CSMD1: variants seen among roughly 807,000 people sequenced by gnomAD.
The protein encoded by CSMD1 is CUB and Sushi multiple domains 1.
A neutral mutation model predicts 417.5 loss-of-function variants in CSMD1; 213 were observed. That is an observed-to-expected ratio of 0.51 (90% CI 0.46 to 0.57). The LOEUF (loss-of-function observed/expected upper bound fraction) is 0.57. Ranked by LOEUF, CSMD1 falls within the 20% of genes least tolerant of loss-of-function variation. The pLI is 0.00. For synonymous variants in CSMD1, 2,862 were observed against 1,736.8 expected (o/e 1.65, Z -16.11); for missense variants, 6,923 against 4,529.7 (o/e 1.53, Z -15.17).
At position 4,051,786 on chromosome 8, in the gene CSMD1, G is replaced by A. The variant is rs185423521; in HGVS notation, c.416-19687C>T. ...TGGTAGGGCTCCCAGTGTCCCAGGT[G>A]TGATGGACACCATACAATACTGACA... On this transcript the variant is annotated intron_variant, in intron 3 of 69. Coordinates refer to ENST00000635120, the MANE Select transcript of CSMD1 (RefSeq NM_033225.6). Among the ~76,000 whole-genome samples the A allele has an allele frequency of 5.4e-4, 82 of 152,296 alleles. 1 individual carries two copies. The highest frequency in any genetic ancestry group is 4.7e-3 in the Admixed American group (72 of 15,298).
chr8:4,969,401 T>C (rs1810097960), intron 1 of CSMD1, among the ~76,000 whole-genome samples: 1 of 151,838 alleles, frequency 6.6e-6, no homozygotes. Flanking sequence ...CTTGCCAAGA[T>C]CCAGTAGGGC....
Position 4,555,666 on chromosome 8 carries a change from C to G in CSMD1, c.302+81676G>C, listed in dbSNP as rs1269831499. 2.0e-5 allele frequency among the ~76,000 whole-genome samples: 3 copies of G among 152,162 alleles called. No homozygotes were observed. The East Asian group carries it at 5.8e-4, about 29-fold the overall frequency. On this transcript the variant is annotated intron_variant, in intron 2 of 69. Transcript: ENST00000635120. ...AATGCTGCTTTTGTCAGAATTCAAT[C>G]AGCAATGGAGAGGAATAAGTCTCTT...
chr8:4,305,951 G>C (rs1318933816), intron 3 of CSMD1, among the ~76,000 whole-genome samples: 1 of 152,086 alleles, frequency 6.6e-6, no homozygotes, highest in South Asian at 2.1e-4. Context: ...GTATTGCAGG[G>C]TAACTTTCAT....
chr8:3,240,944 G>T (rs113910783), intron 26 of CSMD1, among the ~76,000 whole-genome samples: 12,508 of 151,830 alleles, frequency 0.082, 815 homozygotes, highest in South Asian at 0.23. Context: ...TTTAAAGCAT[G>T]CTGTGGGATG....
At chr8:4,458,920 A>C (rs1799646402) in intron 2 of CSMD1, among the ~76,000 whole-genome samples, 1 of 152,202 alleles carries the variant, frequency 6.6e-6, no homozygotes, top group African/African-American at 2.4e-5. Context: ...AAAATATTTA[A>C]GTTTCTGGAA....
At chr8:4,369,240 G>C (rs1044393811) in intron 3 of CSMD1, among the ~76,000 whole-genome samples, 4 of 152,042 alleles carry the variant, frequency 2.6e-5, no homozygotes, top group Non-Finnish European at 5.9e-5. Context: ...CAACTTCCAT[G>C]TAATTGTATG....
intron 10 of CSMD1, among the ~76,000 whole-genome samples, chr8:3,566,869 G>A (rs115506621): frequency 6.6e-6 from 1 of 152,178 alleles, no homozygotes; most frequent in African/African-American, 2.4e-5. Flanking sequence ...AGGCAGCGTG[G>A]TGATTCCTGA....
intron 41 of CSMD1, among the ~76,000 whole-genome samples, chr8:3,119,620 T>C (rs898169616): frequency 2.0e-5 from 3 of 152,214 alleles, no homozygotes; most frequent in Admixed American, 2.0e-4. Context: ...CATCTGATAC[T>C]GTAATTTTAA....
intron 2 of CSMD1, among the ~76,000 whole-genome samples, chr8:4,502,242 G>C (rs752390760): frequency 6.6e-6 from 1 of 151,954 alleles, no homozygotes; most frequent in Non-Finnish European, 1.5e-5. Flanking sequence ...CGTAGAACTA[G>C]AAAGTTCTGG....
At chr8:3,874,182 G>C (rs940874659) in intron 5 of CSMD1, among the ~76,000 whole-genome samples, 2 of 152,126 alleles carry the variant, frequency 1.3e-5, no homozygotes, top group East Asian at 3.9e-4. Context: ...TAATTATCTA[G>C]TGTTCCACAG....
rs771641818 is a variant in CSMD1, at chr8:3,201,571, C to G, written c.5098+41G>C. 9.3e-6 allele frequency: 10 copies of G among 1,078,466 alleles called. No individual in the cohort carries two copies. In the South Asian group the frequency reaches 1.2e-4, roughly 13 times the overall value. 66.8% of individuals were successfully genotyped at this position (1,078,466 alleles called of 1,614,324 possible). On this transcript the variant is annotated intron_variant, in intron 32 of 69. Transcript: ENST00000635120. ...ACAAGTTAAAAATTAATCCCCCTAG[C>G]TGTCTGAACTAAATTAAGGGCAAAA...
At chr8:3,456,956 CCCTCATCCTGCACTT>C (rs1297031996) in intron 12 of CSMD1, among the ~76,000 whole-genome samples, 7 of 152,004 alleles carry the variant, frequency 4.6e-5, no homozygotes, top group African/African-American at 1.5e-4. Context: ...ACCCTACACA[CCCTCATCCTGCACTT>C]CCTCATCCCA....
At chr8:3,738,418 C>T (rs1796633062) in intron 6 of CSMD1, among the ~76,000 whole-genome samples, 1 of 152,166 alleles carries the variant, frequency 6.6e-6, no homozygotes, top group African/African-American at 2.4e-5. Context: ...GGTTGTCACA[C>T]CTTTTATTTA....
intron 62 of CSMD1, among the ~76,000 whole-genome samples, chr8:2,960,357 A>G (rs1050912546): frequency 6.6e-6 from 1 of 152,186 alleles, no homozygotes; most frequent in Non-Finnish European, 1.5e-5. Flanking sequence ...CAATGGGAAT[A>G]TTTTCGTGCT....
intron 10 of CSMD1, among the ~76,000 whole-genome samples, chr8:3,503,671 A>G (rs777700754): frequency 6.6e-6 from 1 of 152,220 alleles, no homozygotes; most frequent in Non-Finnish European, 1.5e-5. Context: ...AATTAGTCTC[A>G]GCTCAAGACA....
intron 7 of CSMD1, among the ~76,000 whole-genome samples, chr8:3,707,673 G>T (rs766322146): frequency 4.6e-5 from 7 of 151,924 alleles, no homozygotes; most frequent in Non-Finnish European, 8.8e-5. Flanking sequence ...GACTGCACCT[G>T]CAGAGAAAGA....
intron 56 of CSMD1, 108 bp from the exon 57 acceptor site, chr8:2,973,407 T>A: frequency 2.8e-6 from 3 of 1,080,828 alleles, no homozygotes; most frequent in East Asian, 4.8e-5. Context: ...GTGTTTCACA[T>A]GAGTTATGGT....
At chr8:4,015,826 G>A (rs190829120) in intron 4 of CSMD1, among the ~76,000 whole-genome samples, 8 of 152,190 alleles carry the variant, frequency 5.3e-5, no homozygotes, top group South Asian at 2.1e-4. Flanking sequence ...CTAAGCAAGC[G>A]GCGTAACTTC....
At chr8:4,796,208 C>T (rs1232650251) in intron 1 of CSMD1, among the ~76,000 whole-genome samples, 4 of 151,906 alleles carry the variant, frequency 2.6e-5, no homozygotes, top group Non-Finnish European at 4.4e-5. Context: ...GCTCCCCCTG[C>T]ATCTAGTTGC....
Sources: gnomAD v4.1 joint callset for allele counts (sites outside exome capture counted in the v4.1 genomes callset) on GRCh38, gnomAD v4.1.1 for gene constraint, MANE v1.5 for transcripts, NCBI Gene and HGNC (gene_info 2026-07-23, HGNC 2026-07-21) for gene names.